The following ADK variants were observed in gnomAD, a reference collection of about 807,000 sequenced individuals.
ADK encodes adenosine kinase.
Under a neutral mutation model 44.7 loss-of-function variants are expected in ADK, and 24 were observed. The ratio of observed to expected loss-of-function variants is 0.54; its 90% confidence interval spans 0.39 to 0.76. ADK has a LOEUF of 0.76. ADK is among the 30% of genes least tolerant of loss of function. The pLI, the probability that ADK is intolerant of heterozygous loss-of-function variation, is 0.00. For missense variants in ADK, 321 were observed against 425.1 expected (o/e 0.76, Z 2.15); for synonymous variants, 128 against 142.6 (o/e 0.90, Z 0.73).
chr10:74,667,530 ATTT>A (rs71307708), intron 9 of ADK, among the ~76,000 whole-genome samples: 1 of 140,372 alleles, frequency 7.1e-6, no homozygotes, highest in Admixed American at 7.2e-5. Context: ...ATAAGTCATG[ATTT>A]TTTTTTTTTT....
intron 4 of ADK, among the ~76,000 whole-genome samples, chr10:74,351,205 G>A (rs1288330798): frequency 2.6e-5 from 4 of 152,086 alleles, no homozygotes; most frequent in South Asian, 2.1e-4. Flanking sequence ...CGAATCCAGC[G>A]ACATGTCAAA....
At chr10:74,199,549 A>G (rs1038224096) in intron 1 of ADK, among the ~76,000 whole-genome samples, 8 of 152,166 alleles carry the variant, frequency 5.3e-5, no homozygotes, top group Non-Finnish European at 1.2e-4. Context: ...ATAGTATTCC[A>G]TGGTGTATAT....
rs185460427 is a variant in ADK, at chr10:74,356,699, C to T, written c.274-37442C>T. The stretch of plus-strand genomic sequence containing the variant: ...TTTCTATACTTTAGTCACCCTTACA[C>T]CTAAACGTTACAGTGCTTCAGTATA... On this transcript the variant is annotated intron_variant, in intron 4 of 10. Coordinates refer to ENST00000539909, the MANE Select transcript of ADK (RefSeq NM_006721.4). Among the ~76,000 whole-genome samples, 6 of 152,292 alleles carry T rather than the reference C, an allele frequency of 3.9e-5. No individual in the cohort carries two copies. In the East Asian group the frequency reaches 1.2e-3, roughly 29 times the overall value.
chr10:74,607,192 C>T (rs1266201815), intron 9 of ADK, among the ~76,000 whole-genome samples: 1 of 152,078 alleles, frequency 6.6e-6, no homozygotes, highest in Non-Finnish European at 1.5e-5. Flanking sequence ...TCCAATTCCC[C>T]AGTCTGTGTT....
At chr10:74,621,556 CT>C (rs1266588033) in intron 9 of ADK, among the ~76,000 whole-genome samples, 1 of 152,108 alleles carries the variant, frequency 6.6e-6, no homozygotes, top group Non-Finnish European at 1.5e-5. Context: ...CATTTAGGGT[CT>C]TTTCTGATTC....
At chr10:74,290,913 C>A (rs1392923558) in intron 3 of ADK, among the ~76,000 whole-genome samples, 1 of 152,002 alleles carries the variant, frequency 6.6e-6, no homozygotes, top group Non-Finnish European at 1.5e-5. Context: ...TTCTACTGTG[C>A]CTTTAGTTTA....
intron 4 of ADK, 65 bp downstream of exon 4, chr10:74,314,810 T>G: frequency 1.6e-6 from 2 of 1,236,728 alleles, no homozygotes; most frequent in African/African-American, 3.0e-5. Flanking sequence ...CTATTTTGCA[T>G]AATTGTTTCC....
intron 6 of ADK, among the ~76,000 whole-genome samples, chr10:74,461,293 A>G (rs533284171): frequency 2.0e-5 from 3 of 152,228 alleles, no homozygotes; most frequent in African/African-American, 4.8e-5. Context: ...TTATCTGCAC[A>G]TTGCTTCCAT....
chr10:74,310,493 A>G (rs1450390299), intron 3 of ADK, among the ~76,000 whole-genome samples: 1 of 152,000 alleles, frequency 6.6e-6, no homozygotes, highest in East Asian at 1.9e-4. Context: ...CCTCTTCCAC[A>G]TCTTACATTT....
intron 3 of ADK, among the ~76,000 whole-genome samples, chr10:74,285,825 A>C (rs1379176398): frequency 1.3e-5 from 2 of 152,218 alleles, no homozygotes; most frequent in African/African-American, 4.8e-5. Context: ...CAACAGACTT[A>C]GTGGTTTAAA....
chr10:74,690,750 G>C (rs1388496604), intron 10 of ADK, among the ~76,000 whole-genome samples: 1 of 152,124 alleles, frequency 6.6e-6, no homozygotes, highest in African/African-American at 2.4e-5. Flanking sequence ...TATTTTTAAA[G>C]TGCATACGTG....
At chr10:74,244,641 A>G (rs1419130534) in intron 3 of ADK, among the ~76,000 whole-genome samples, 5 of 152,194 alleles carry the variant, frequency 3.3e-5, no homozygotes, top group Non-Finnish European at 7.4e-5. Flanking sequence ...AGATTTCTTT[A>G]TATTGTTAAG....
At chr10:74,491,448 G>A (rs1433285668) in intron 6 of ADK, among the ~76,000 whole-genome samples, 1 of 151,968 alleles carries the variant, frequency 6.6e-6, no homozygotes, top group Non-Finnish European at 1.5e-5. Flanking sequence ...AGTAGCAAAA[G>A]CGATGTAATG....
At chr10:74,302,105 GTTTGT>G (rs1408848818) in intron 3 of ADK, among the ~76,000 whole-genome samples, 19,931 of 88,966 alleles carry the variant, frequency 0.22, 4,409 homozygotes, top group African/African-American at 0.38. Context: ...TTTTTTGTTT[GTTTGT>G]TTTTTTTTTT....
At chr10:74,277,420 G>A (rs1846734897) in intron 3 of ADK, among the ~76,000 whole-genome samples, 1 of 324 alleles carries the variant, frequency 3.1e-3, no homozygotes, top group South Asian at 0.17. Context: ...TTTTGAGATG[G>A]AGTTCTCACT....
At chr10:74,310,277 T>C (rs1268037544) in intron 3 of ADK, among the ~76,000 whole-genome samples, 1 of 152,142 alleles carries the variant, frequency 6.6e-6, no homozygotes, top group African/African-American at 2.4e-5. Flanking sequence ...TCCCGTAAAA[T>C]GTAATAATAT....
At chr10:74,246,505 G>A (rs1845420503) in intron 3 of ADK, among the ~76,000 whole-genome samples, 1 of 152,198 alleles carries the variant, frequency 6.6e-6, no homozygotes, top group East Asian at 1.9e-4. Flanking sequence ...TGTAAGGTCT[G>A]GATGGGGAGA....
Position 74,621,155 on chromosome 10 carries a change from C to T in ADK, c.877+20662C>T, listed in dbSNP as rs1031634956. 2.6e-5 allele frequency among the ~76,000 whole-genome samples: 4 copies of T among 152,132 alleles called. No individual in the cohort carries two copies. In the East Asian group the frequency reaches 7.7e-4, roughly 29 times the overall value. On this transcript the variant is annotated intron_variant, in intron 9 of 10. Coordinates refer to ENST00000539909, the MANE Select transcript of ADK (RefSeq NM_006721.4). ...ATAAAACATTTTCCCAGACCAATGT[C>T]TTGAAGTGTTTCCCTTATGTTTCCT...
chr10:74,675,217 A>G (rs1203528081), intron 10 of ADK, among the ~76,000 whole-genome samples: 1 of 152,244 alleles, frequency 6.6e-6, no homozygotes, highest in African/African-American at 2.4e-5. Context: ...GTATCACTCC[A>G]GCTACCATGT....
Sources: allele counts gnomAD v4.1 joint callset (sites outside exome capture counted in the v4.1 genomes callset), GRCh38; gene constraint gnomAD v4.1.1; transcripts MANE v1.5; gene names NCBI Gene and HGNC (gene_info 2026-07-23, HGNC 2026-07-21).